Variants in EML5 observed in about 807,000 individuals in gnomAD.
EML5 encodes the protein EMAP like 5.
EML5 carries 120 observed loss-of-function variants against 250.0 expected under a neutral mutation model. That is an observed-to-expected ratio of 0.48 (90% CI 0.41 to 0.56). The LOEUF is 0.56. EML5 is among the 20% of genes least tolerant of loss of function. The pLI, the probability that EML5 is intolerant of heterozygous loss-of-function variation, is 0.00. For missense variants in EML5, 2,006 were observed against 2,437.6 expected (o/e 0.82, Z 3.73); for synonymous variants, 771 against 806.5 (o/e 0.96, Z 0.75).
chr14:88,621,675 T>G, intron 37 of EML5: 1 of 278,018 alleles, frequency 3.6e-6, no homozygotes. Context: ...AAAGCTTAAC[T>G]ACAATTTAAT....
At position 88,695,425 on chromosome 14, in the gene EML5, T is replaced by C. The variant is rs1312201430; in HGVS notation, c.2374A>G (p.Ile792Val). ...ADGKRLASVG[I>V]DDSHTVVLWD... is the part of the protein sequence containing the mutation. Reference sequence around the variant, plus strand: ...AGCACAACAGTATGGCTATCATCTATGCCAACTGATGCCAAACGTTTCCCA... The same window carrying C: ...AGCACAACAGTATGGCTATCATCTACGCCAACTGATGCCAAACGTTTCCCA... The change falls in exon 16 of 44, where the codon ATA becomes GTA. Residue 792 changes from isoleucine to valine, a missense_variant. Around this residue, in one of 7 missense-constraint regions of EML5, gnomAD observed 1,375 missense variants for 1,590.3 expected, o/e 0.86. Coordinates refer to ENST00000554922, the MANE Select transcript of EML5 (RefSeq NM_183387.3). The C allele has an allele frequency of 6.2e-7, 1 of 1,612,318 alleles. No individual in the cohort carries two copies. Among genetic ancestry groups the C allele is most frequent in the East Asian group, 2.2e-5 (1 of 44,812 alleles).
chr14:88,765,473 T>C lies in EML5; in HGVS notation c.198-10802A>G, dbSNP rs565205731. On this transcript the variant is annotated intron_variant, in intron 1 of 43. Transcript: ENST00000554922. ...CAATCAGCAACGGCACATTGAGTTCTTCTCAAGCTTTGAATCTTTCTGACT... is the reference window on the plus strand; with the variant it reads ...CAATCAGCAACGGCACATTGAGTTCCTCTCAAGCTTTGAATCTTTCTGACT... Among the ~76,000 whole-genome samples the C allele has an allele frequency of 1.4e-4, 21 of 152,328 alleles. No homozygotes were observed. The South Asian group carries it at 3.7e-3, about 27-fold the overall frequency.
intron 21 of EML5, among the ~76,000 whole-genome samples, chr14:88,668,434 G>A (rs78262829): frequency 0.069 from 10,073 of 146,176 alleles, 477 homozygotes; most frequent in Non-Finnish European, 0.1. Context: ...AAGTATTTCA[G>A]AAAAAAAAAA....
At chr14:88,702,756 A>G in intron 13 of EML5, 124 bp from the exon 14 acceptor site, 1 of 688,780 alleles carries the variant, frequency 1.5e-6, no homozygotes, top group Non-Finnish European at 2.2e-6. Flanking sequence ...ACAGGATACT[A>G]AACAATTTTT....
rs200329420 is a variant in EML5, at chr14:88,658,975, T to C, written c.3676-587A>G. On this transcript the variant is annotated intron_variant, in intron 25 of 43. Coordinates refer to ENST00000554922, the MANE Select transcript of EML5 (RefSeq NM_183387.3). ...TTGCTTTGGTACACATATATTTATA[T>C]ACCCATGTAAATATCTTTCATCTCA... Among the ~76,000 whole-genome samples the C allele has an allele frequency of 3.1e-4, 47 of 152,310 alleles. No homozygotes were observed. In the East Asian group the frequency reaches 9.1e-3, roughly 29 times the overall value.
At position 88,693,658 on chromosome 14, in the gene EML5, T is replaced by C. The variant is rs972364633; in HGVS notation, c.2539+649A>G. 2.6e-5 allele frequency among the ~76,000 whole-genome samples: 4 copies of C among 151,902 alleles called. No homozygotes were observed. The South Asian group carries it at 8.3e-4, about 32-fold the overall frequency. On this transcript the variant is annotated intron_variant, in intron 17 of 43. Transcript: ENST00000554922. Reference sequence around the variant, plus strand: ...CATCAATACAACAGTAAATTACTTTTAAAAAATAAACTAATTTTAGATAAT... The same window carrying C: ...CATCAATACAACAGTAAATTACTTTCAAAAAATAAACTAATTTTAGATAAT...
chr14:88,754,027 T>C (rs915006266), intron 2 of EML5, among the ~76,000 whole-genome samples: 1 of 151,980 alleles, frequency 6.6e-6, no homozygotes, highest in Non-Finnish European at 1.5e-5. Flanking sequence ...GTCCTAGTTG[T>C]TCAGGAAGGT....
rs776360389 is a variant in EML5, at chr14:88,626,940, C to T, written c.4638G>A (p.Lys1546=). 6.2e-7 allele frequency: 1 copy of T among 1,613,980 alleles called. No individual in the cohort carries two copies. Among genetic ancestry groups the T allele is most frequent in the South Asian group, 1.1e-5 (1 of 91,080 alleles). The change falls in exon 35 of 44, where the codon AAG becomes AAA. Residue 1546 remains lysine (K), a synonymous_variant. Coordinates refer to ENST00000554922, the MANE Select transcript of EML5 (RefSeq NM_183387.3). ...GAGCTCTTCCTGCCAGGGTCCAGAA[C>T]TTCACATGTTTTACTCCCACTGAGA... The part of the protein sequence containing the change: ...QFVSVGVKHV[K]FWTLAGRALL...
At chr14:88,681,149 A>C (rs887616509) in intron 21 of EML5, among the ~76,000 whole-genome samples, 3 of 152,242 alleles carry the variant, frequency 2.0e-5, no homozygotes, top group Non-Finnish European at 4.4e-5. Context: ...AAAATTAACT[A>C]ATGGGTAGCT....
intron 21 of EML5, among the ~76,000 whole-genome samples, chr14:88,670,083 G>A (rs143875494): frequency 5.0e-4 from 76 of 151,994 alleles, no homozygotes; most frequent in East Asian, 2.9e-3. Flanking sequence ...TTGGGAGGCC[G>A]AGGCAGGTGG....
chr14:88,789,448 A>G (rs2094584685), intron 1 of EML5, among the ~76,000 whole-genome samples: 1 of 152,240 alleles, frequency 6.6e-6, no homozygotes, highest in African/African-American at 2.4e-5. Flanking sequence ...TACAAGCAAC[A>G]CTGAGAAAAT....
Position 88,792,292 on chromosome 14 carries a change from C to T in EML5, c.197+15G>A. Reference sequence around the variant, plus strand: ...GGCTTGCAGGGTGACGGCGGCGGCCCCCGCTCCCCGGTACCTGATGATGTC... The same window carrying T: ...GGCTTGCAGGGTGACGGCGGCGGCCTCCGCTCCCCGGTACCTGATGATGTC... On this transcript the variant is annotated intron_variant, in intron 1 of 43. Transcript: ENST00000554922. This position sits in a 1 kb window ranked among gnomAD's most constrained non-coding sequence, Gnocchi z 6.9. 1 of 1,546,794 alleles carries T rather than the reference C, an allele frequency of 6.5e-7. No homozygotes were observed. Among genetic ancestry groups the T allele is most frequent in the African/African-American group, 1.4e-5 (1 of 73,026 alleles).
chr14:88,635,234 A>G (rs903072849), intron 32 of EML5, among the ~76,000 whole-genome samples: 1 of 152,254 alleles, frequency 6.6e-6, no homozygotes, highest in Admixed American at 6.5e-5. Flanking sequence ...TCCATATGAA[A>G]TAATGATTTA....
At chr14:88,642,541 C>G (rs910378048) in intron 31 of EML5, among the ~76,000 whole-genome samples, 1 of 152,138 alleles carries the variant, frequency 6.6e-6, no homozygotes, top group Non-Finnish European at 1.5e-5. Flanking sequence ...CAGAAACCAC[C>G]ATCCAAACCA....
chr14:88,671,372 C>A (rs1488860649), intron 21 of EML5, among the ~76,000 whole-genome samples: 1 of 152,168 alleles, frequency 6.6e-6, no homozygotes, highest in Non-Finnish European at 1.5e-5. Context: ...TTGGTCACCA[C>A]CAGGCCTGCC....
chr14:88,761,247 A>G (rs181357338), intron 1 of EML5, among the ~76,000 whole-genome samples: 288 of 152,226 alleles, frequency 1.9e-3, no homozygotes, highest in African/African-American at 6.4e-3. Context: ...ACATGTGCAG[A>G]ACGTGCAGGT....
At chr14:88,763,639 C>T (rs2094280569) in intron 1 of EML5, among the ~76,000 whole-genome samples, 1 of 152,176 alleles carries the variant, frequency 6.6e-6, no homozygotes. Flanking sequence ...AGAGGGAATT[C>T]TCCCTAACCC....
intron 7 of EML5, among the ~76,000 whole-genome samples, chr14:88,730,364 T>G (rs2093736456): frequency 1.3e-5 from 2 of 152,232 alleles, no homozygotes; most frequent in Admixed American, 1.3e-4. Flanking sequence ...ACAATGAGGT[T>G]GCAAGAGAAG....
At position 88,613,819 on chromosome 14, in the gene EML5, T is replaced by A. The variant is rs1053644744; in HGVS notation, c.*1999A>T. 2.0e-5 allele frequency: 3 copies of A among 152,144 alleles called. No homozygotes were observed. Among genetic ancestry groups the A allele is most frequent in the Non-Finnish European group, 4.4e-5 (3 of 68,004 alleles). The allele number at this position is 152,144 out of a possible 1,614,324, so 9.4% of individuals were successfully genotyped here. A position where few individuals can be genotyped will look rare whatever the true frequency, so the allele number is the denominator to read the frequency against. ...GCTTAGATACTGCACACAAAAATAA[T>A]TATCTGGGTTAAAAAAGTAAACATA... On this transcript the variant is annotated 3_prime_UTR_variant, in exon 44 of 44. Coordinates refer to ENST00000554922, the MANE Select transcript of EML5 (RefSeq NM_183387.3).
Sources: gnomAD v4.1 joint callset for allele counts (sites outside exome capture counted in the v4.1 genomes callset) on GRCh38, gnomAD v4.1.1 for gene constraint, gnomAD v4.1.1 regional missense constraint, Gnocchi (gnomAD v3.1) non-coding constraint, MANE v1.5 for transcripts, NCBI Gene and HGNC (gene_info 2026-07-23, HGNC 2026-07-21) for gene names.